SLC1A2: variants seen among roughly 807,000 people sequenced by gnomAD.
The protein encoded by SLC1A2 is excitatory amino acid transporter 2.
Under a neutral mutation model 48.8 loss-of-function variants are expected in SLC1A2, and 15 were observed. The observed-to-expected ratio is 0.31, with a 90% CI of 0.21 to 0.47. The LOEUF (loss-of-function observed/expected upper bound fraction) is 0.47, where lower values mean the gene tolerates loss of function less well. Among genes scored for constraint, SLC1A2 ranks in the 20% least tolerant of loss-of-function variants. The pLI, the probability that SLC1A2 is intolerant of heterozygous loss-of-function variation, is 0.99. For synonymous variants in SLC1A2, 279 were observed against 272.6 expected (o/e 1.02, Z -0.23); for missense variants, 502 against 730.5 (o/e 0.69, Z 3.61).
intron 1 of SLC1A2, among the ~76,000 whole-genome samples, chr11:35,415,789 A>G (rs1855586245): frequency 6.6e-6 from 1 of 152,216 alleles, no homozygotes; most frequent in African/African-American, 2.4e-5. Context: ...GCTGATCAGA[A>G]GACAGATTGC....
At chr11:35,273,251 C>T (rs116769009) in intron 9 of SLC1A2, among the ~76,000 whole-genome samples, 1,839 of 152,184 alleles carry the variant, frequency 0.012, 40 homozygotes, top group African/African-American at 0.042. Flanking sequence ...GCCCCAAACC[C>T]GAGGAAGGCT....
intron 5 of SLC1A2, among the ~76,000 whole-genome samples, chr11:35,302,696 A>G (rs7927975): frequency 0.22 from 32,741 of 151,320 alleles, 3,899 homozygotes; most frequent in Admixed American, 0.28. Context: ...TGCTCTTCCT[A>G]CCACTCCTGT....
intron 1 of SLC1A2, among the ~76,000 whole-genome samples, chr11:35,393,508 C>T (rs1854847205): frequency 6.6e-6 from 1 of 152,146 alleles, no homozygotes; most frequent in Admixed American, 6.5e-5. Flanking sequence ...GCACCCATAT[C>T]CCCCAGTGTG....
rs1855700739 is a variant in SLC1A2, at chr11:35,419,059, G to T, written c.-93C>A. On this transcript the variant is annotated 5_prime_UTR_variant, in exon 1 of 11. Coordinates refer to ENST00000278379, the MANE Select transcript of SLC1A2 (RefSeq NM_004171.4). This position sits in a 1 kb window ranked among gnomAD's most constrained non-coding sequence, Gnocchi z 5.4. ...CGGGGTGAGCGCGAAGTGCGGCCGGGAGCGGTATTTAAGAGGAGCCTCTGC... is the reference window on the plus strand; with the variant it reads ...CGGGGTGAGCGCGAAGTGCGGCCGGTAGCGGTATTTAAGAGGAGCCTCTGC... 3 of 1,238,434 alleles carry T rather than the reference G, an allele frequency of 2.4e-6. No individual in the cohort carries two copies. Among genetic ancestry groups the T allele is most frequent in the Non-Finnish European group, 3.4e-6 (3 of 873,606 alleles). 76.7% of individuals were successfully genotyped at this position (1,238,434 alleles called of 1,614,324 possible). A position where few individuals can be genotyped will look rare whatever the true frequency, so the allele number is the denominator to read the frequency against.
At chr11:35,418,650 G>A (rs1855685900) in intron 1 of SLC1A2, 3 of 444,244 alleles carry the variant, frequency 6.8e-6, no homozygotes, top group South Asian at 6.0e-5. Flanking sequence ...CTATTGTTTT[G>A]AAATCCCAAA....
chr11:35,254,401 T>C lies in SLC1A2; in HGVS notation c.*6493A>G, dbSNP rs558826760. 78 of 168,284 alleles carry C rather than the reference T, an allele frequency of 4.6e-4. No individual in the cohort carries two copies. The South Asian group carries it at 9.0e-3, about 19-fold the overall frequency. The allele number at this position is 168,284 out of a possible 1,614,324, so 10.4% of individuals were successfully genotyped here. On this transcript the variant is annotated 3_prime_UTR_variant, in exon 11 of 11. Coordinates refer to ENST00000278379, the MANE Select transcript of SLC1A2 (RefSeq NM_004171.4). Reference sequence around the variant, plus strand: ...TATAAGGGAAGTAACTCTTATGGAGTATTAAACCACCAGACAGCCAACTTT... The same window carrying C: ...TATAAGGGAAGTAACTCTTATGGAGCATTAAACCACCAGACAGCCAACTTT...
rs867693587 is a variant in SLC1A2, at chr11:35,292,329, C to T, written c.1049G>A (p.Gly350Asp). ...GGCAGTGATCCAAGCTTGGAAAATGCCAGCAAAAAAGGAGAAGGGGTTTTT... is the reference window on the plus strand; with the variant it reads ...GGCAGTGATCCAAGCTTGGAAAATGTCAGCAAAAAAGGAGAAGGGGTTTTT... ...TRKNPFSFFAGIFQAWITALG... is the reference protein window; with the variant it reads ...TRKNPFSFFADIFQAWITALG... The change falls in exon 7 of 11, where the codon GGC (glycine) becomes GAC (aspartate). Residue 350 changes from glycine (G) to aspartate (D), a missense_variant. By Grantham distance (94) the Gly-to-Asp change is moderately conservative. This residue lies in a region of SLC1A2 where 309 missense variants were observed against 480.3 expected (regional missense o/e 0.64). Coordinates refer to ENST00000278379, the MANE Select transcript of SLC1A2 (RefSeq NM_004171.4). The T allele has an allele frequency of 6.2e-7, 1 of 1,613,746 alleles. No individual in the cohort carries two copies. The highest frequency in any genetic ancestry group is 1.3e-5 in the African/African-American group (1 of 74,982).
intron 7 of SLC1A2, among the ~76,000 whole-genome samples, chr11:35,291,063 T>C (rs1269079330): frequency 6.6e-6 from 1 of 152,206 alleles, no homozygotes; most frequent in Non-Finnish European, 1.5e-5. Context: ...TCCCTAGCAT[T>C]GCATGGGCAC....
At chr11:35,407,885 A>G (rs569187353) in intron 1 of SLC1A2, among the ~76,000 whole-genome samples, 1 of 152,182 alleles carries the variant, frequency 6.6e-6, no homozygotes, top group Non-Finnish European at 1.5e-5. Flanking sequence ...CTCTAGCTTC[A>G]TGCTGTGTGC....
chr11:35,374,372 T>C (rs1590242617), intron 1 of SLC1A2: 1 of 782,158 alleles, frequency 1.3e-6, no homozygotes, highest in Non-Finnish European at 2.1e-6. Context: ...TGTTGGAGAA[T>C]TACAGAGACC....
intron 1 of SLC1A2, among the ~76,000 whole-genome samples, chr11:35,319,825 C>T (rs909571360): frequency 5.9e-5 from 9 of 152,214 alleles, no homozygotes; most frequent in African/African-American, 2.2e-4. Context: ...CATCAAAATA[C>T]TATAAACCCA....
At chr11:35,401,105 T>A (rs1855125672) in intron 1 of SLC1A2, among the ~76,000 whole-genome samples, 1 of 152,194 alleles carries the variant, frequency 6.6e-6, no homozygotes, top group Admixed American at 6.5e-5. Flanking sequence ...GAAGGGAGTG[T>A]CTGGGTTAAG....
At chr11:35,330,615 C>T (rs539769128) in intron 1 of SLC1A2, among the ~76,000 whole-genome samples, 5 of 152,248 alleles carry the variant, frequency 3.3e-5, no homozygotes, top group Admixed American at 2.0e-4. Flanking sequence ...TAGGGAGATG[C>T]GCCTGAATTC....
chr11:35,356,368 G>A (rs952274170), intron 1 of SLC1A2, among the ~76,000 whole-genome samples: 26 of 152,214 alleles, frequency 1.7e-4, no homozygotes, highest in African/African-American at 6.0e-4. Context: ...GGTGTCCCGA[G>A]ATAGTAGAAA....
chr11:35,382,566 T>C (rs1185508827), intron 1 of SLC1A2, among the ~76,000 whole-genome samples: 1 of 152,060 alleles, frequency 6.6e-6, no homozygotes, highest in Non-Finnish European at 1.5e-5. Context: ...GAGGCCGAGG[T>C]GGGTGGATCA....
chr11:35,394,254 A>G (rs1854881608), intron 1 of SLC1A2, among the ~76,000 whole-genome samples: 1 of 152,070 alleles, frequency 6.6e-6, no homozygotes, highest in African/African-American at 2.4e-5. Flanking sequence ...ACGTGCCTTC[A>G]GCCACGTGTG....
At chr11:35,273,844 G>C (rs1372794997) in intron 9 of SLC1A2, among the ~76,000 whole-genome samples, 1 of 152,226 alleles carries the variant, frequency 6.6e-6, no homozygotes, top group African/African-American at 2.4e-5. Context: ...TAGCTCTAGA[G>C]ACACAATTGG....
chr11:35,374,379 G>T, intron 1 of SLC1A2: 1 of 734,218 alleles, frequency 1.4e-6, no homozygotes, highest in Non-Finnish European at 2.3e-6. Context: ...GAATTACAGA[G>T]ACCTGGCCTC....
intron 1 of SLC1A2, among the ~76,000 whole-genome samples, chr11:35,358,670 GA>G (rs1853569272): frequency 6.6e-6 from 1 of 152,142 alleles, no homozygotes; most frequent in Admixed American, 6.5e-5. Flanking sequence ...TTGGACTTCT[GA>G]AAAGAGAAAC....
Sources: gnomAD v4.1 joint callset for allele counts (sites outside exome capture counted in the v4.1 genomes callset) on GRCh38, gnomAD v4.1.1 for gene constraint, gnomAD v4.1.1 regional missense constraint, Gnocchi (gnomAD v3.1) non-coding constraint, MANE v1.5 for transcripts, NCBI Gene and HGNC (gene_info 2026-07-23, HGNC 2026-07-21) for gene names.